Variants in TCF25 observed in about 807,000 individuals in gnomAD.
TCF25 encodes the protein ribosome quality control complex subunit TCF25.
In TCF25, 41 loss-of-function variants were observed where a neutral mutation model predicts 83.1. The observed-to-expected ratio is 0.49, with a 90% confidence interval of 0.38 to 0.64. The LOEUF is 0.64. TCF25 is among the 30% of genes least tolerant of loss of function. The pLI is 0.00. For synonymous variants in TCF25, 458 were observed against 365.0 expected, an observed-to-expected ratio of 1.25 and a Z score of -2.90; for missense variants, 979 against 914.5, an observed-to-expected ratio of 1.07 and a Z score of -0.91.
intron 4 of TCF25, 55 bp from the exon 5 acceptor site, chr16:89,887,597 G>A (rs371822567): frequency 6.7e-7 from 1 of 1,485,582 alleles, no homozygotes. Flanking sequence ...GAAGCTTTTG[G>A]AATCGTCTTA....
intron 16 of TCF25, among the ~76,000 whole-genome samples, chr16:89,908,625 A>G (rs1402292293): frequency 1.5e-5 from 1 of 65,374 alleles, no homozygotes; most frequent in Non-Finnish European, 3.1e-5. Context: ...CCCACCTCCC[A>G]GCTCCCACCT....
At position 89,905,066 on chromosome 16, in the gene TCF25, G is replaced by A. The variant is rs1235749954; in HGVS notation, c.1598G>A (p.Gly533Glu). Residue 533 changes from glycine (G) to glutamate (E), a missense_variant, in exon 14 of 18, where the codon GGG becomes GAG. Physicochemically the swap from Gly to Glu is moderately conservative, Grantham distance 98. Coordinates refer to ENST00000263346, the MANE Select transcript of TCF25 (RefSeq NM_014972.3). ...GAGGTTCTGCAAGCAGTGGACGCCG[G>A]GGACCCAGCCGTGGAAGCCTGTGAG... ...VHEVLQAVDAGDPAVEACENR... is the reference protein window; with the variant it reads ...VHEVLQAVDAEDPAVEACENR... The A allele has an allele frequency of 2.5e-6, 4 of 1,602,880 alleles. No homozygotes were observed. In the African/African-American group the frequency reaches 5.3e-5, roughly 21 times the overall value.
At chr16:89,887,599 A>G (rs2043113650) in intron 4 of TCF25, 53 bp from the exon 5 acceptor site, 4 of 1,488,536 alleles carry the variant, frequency 2.7e-6, no homozygotes, top group Admixed American at 2.4e-5. Flanking sequence ...AGCTTTTGGA[A>G]TCGTCTTAGA....
intron 13 of TCF25, chr16:89,904,620 T>C: frequency 2.0e-6 from 1 of 511,354 alleles, no homozygotes; most frequent in Non-Finnish European, 3.6e-6. Flanking sequence ...CAGGAGAAAG[T>C]GCACGCCTTG....
Position 89,885,918 on chromosome 16 carries a change from G to A in TCF25, c.500G>A (p.Gly167Asp), listed in dbSNP as rs1411677222. Reference sequence around the variant, plus strand: ...GACAGCACTGGGTTGAACCGTCCCGGCCCAGCTCCCCTGAGCTCCAGGAAG... The same window carrying A: ...GACAGCACTGGGTTGAACCGTCCCGACCCAGCTCCCCTGAGCTCCAGGAAG... ...IEDSTGLNRP[G>D]PAPLSSRKHV... The change falls in exon 4 of 18, where the codon GGC (glycine) becomes GAC (aspartate). Residue 167 changes from glycine (G) to aspartate (D), a missense_variant. Coordinates refer to ENST00000263346, the MANE Select transcript of TCF25 (RefSeq NM_014972.3). The A allele has an allele frequency of 6.2e-7, 1 of 1,613,910 alleles. No homozygotes were observed. The highest frequency in any genetic ancestry group is 1.3e-5 in the African/African-American group (1 of 74,854).
intron 1 of TCF25, among the ~76,000 whole-genome samples, chr16:89,882,247 G>T (rs1212340020): frequency 3.3e-5 from 5 of 152,170 alleles, no homozygotes; most frequent in Admixed American, 6.5e-5. Context: ...CTATAAAAAG[G>T]TTCCAGACTT....
chr16:89,878,868 C>G (rs188233099), intron 1 of TCF25, among the ~76,000 whole-genome samples: 1 of 152,326 alleles, frequency 6.6e-6, no homozygotes, highest in East Asian at 1.9e-4. Flanking sequence ...GTCTTGATCT[C>G]CTGACCTCGC....
chr16:89,895,116 G>T lies in TCF25; in HGVS notation c.907G>T (p.Glu303Ter). ...SDACRFQEDQ[E>*]MARDLVERAL... ...TGCCTGCCGCTTTCAAGAGGATCAGGAGATGGCTCGAGACCTCGTAGGTAA... is the reference window on the plus strand; with the variant it reads ...TGCCTGCCGCTTTCAAGAGGATCAGTAGATGGCTCGAGACCTCGTAGGTAA... Residue 303 changes from glutamate to a stop codon, truncating the protein, a stop_gained, in exon 8 of 18, where the codon GAG becomes TAG. Transcript: ENST00000263346. LOFTEE classifies it high-confidence loss of function. The T allele has an allele frequency of 6.2e-7, 1 of 1,612,896 alleles. No individual in the cohort carries two copies.
intron 1 of TCF25, among the ~76,000 whole-genome samples, chr16:89,882,571 A>AT (rs933357943): frequency 6.6e-6 from 1 of 152,064 alleles, no homozygotes; most frequent in Non-Finnish European, 1.5e-5. Context: ...CGTATGAATT[A>AT]TTTTTATCGT....
intron 10 of TCF25, 51 bp downstream of exon 10, chr16:89,898,700 A>G: frequency 6.2e-7 from 1 of 1,611,266 alleles, no homozygotes; most frequent in Non-Finnish European, 8.5e-7. Flanking sequence ...TCCTGGCTGC[A>G]GGCCCACTCT....
intron 3 of TCF25, 99 bp from the exon 4 acceptor site, chr16:89,885,749 A>G: frequency 1.0e-6 from 1 of 953,766 alleles, no homozygotes; most frequent in Non-Finnish European, 1.7e-6. Flanking sequence ...AAGTAAATAC[A>G]GTGTAATAGG....
chr16:89,900,132 T>C (rs1370400849), intron 11 of TCF25, among the ~76,000 whole-genome samples: 1 of 152,062 alleles, frequency 6.6e-6, no homozygotes, highest in African/African-American at 2.4e-5. Context: ...CCCATTTTGA[T>C]AGAAAAAAAT....
At chr16:89,907,373 C>T (rs1567740825) in intron 16 of TCF25, 51 bp downstream of exon 16, 1 of 236,650 alleles carries the variant, frequency 4.2e-6, no homozygotes, top group Non-Finnish European at 6.1e-6. Context: ...TCCCTCCTCC[C>T]AGTTCCCAGC....
At chr16:89,893,130 G>T (rs911839369) in intron 6 of TCF25, among the ~76,000 whole-genome samples, 1 of 152,208 alleles carries the variant, frequency 6.6e-6, no homozygotes. Context: ...GCCTTGGGCA[G>T]GGCCATCAAG....
chr16:89,910,737 G>A, intron 17 of TCF25, 74 bp downstream of exon 17: 3 of 1,494,750 alleles, frequency 2.0e-6, no homozygotes, highest in Non-Finnish European at 2.8e-6. Context: ...AATGCCTGGA[G>A]CCTCCTTGAA....
intron 12 of TCF25, chr16:89,901,026 G>A (rs10153084): frequency 0.053 from 23,741 of 447,198 alleles, 2,600 homozygotes; most frequent in African/African-American, 0.3. Context: ...CCCGACCCCC[G>A]TGGGGCCTGT....
intron 1 of TCF25, among the ~76,000 whole-genome samples, chr16:89,880,707 A>G (rs2042544758): frequency 6.6e-6 from 1 of 152,258 alleles, no homozygotes; most frequent in Non-Finnish European, 1.5e-5. Context: ...TGGGCAACAC[A>G]GTGAGACCCT....
At chr16:89,891,704 G>A (rs1448107912) in intron 5 of TCF25, among the ~76,000 whole-genome samples, 1 of 152,160 alleles carries the variant, frequency 6.6e-6, no homozygotes, top group Non-Finnish European at 1.5e-5. Context: ...TGAGTGATGG[G>A]CATGTGGATA....
chr16:89,890,646 C>T (rs944599312), intron 5 of TCF25: 3 of 152,116 alleles, frequency 2.0e-5, no homozygotes, highest in Admixed American at 6.6e-5. Flanking sequence ...TTGTCATCTG[C>T]ATTTCTCTGA....
Sources: allele counts gnomAD v4.1 joint callset (sites outside exome capture counted in the v4.1 genomes callset), GRCh38; gene constraint gnomAD v4.1.1; transcripts MANE v1.5; gene names NCBI Gene and HGNC (gene_info 2026-07-23, HGNC 2026-07-21).